CEP57L1: variants seen among roughly 807,000 people sequenced by gnomAD.
CEP57L1 encodes the protein centrosomal protein 57 like 1.
A neutral mutation model predicts 61.0 loss-of-function variants in CEP57L1; 37 were observed. The ratio of observed to expected loss-of-function variants is 0.61; its 90% CI spans 0.47 to 0.80. The LOEUF is 0.80. Ranked by LOEUF, CEP57L1 falls within the 30% of genes least tolerant of loss-of-function variation. The pLI, the probability that CEP57L1 is intolerant of heterozygous loss-of-function variation, is 0.00. For synonymous variants in CEP57L1, 137 were observed against 162.3 expected (o/e 0.84, Z 1.19); for missense variants, 422 against 524.7 (o/e 0.80, Z 1.91).
chr6:109,098,059 T>C (rs1781925709), intron 1 of CEP57L1, among the ~76,000 whole-genome samples: 1 of 152,126 alleles, frequency 6.6e-6, no homozygotes, highest in South Asian at 2.1e-4. Context: ...TTAATTGGGT[T>C]GGGAAAGCAT....
At chr6:109,118,480 A>C (rs1255526922) in intron 1 of CEP57L1, among the ~76,000 whole-genome samples, 1 of 152,252 alleles carries the variant, frequency 6.6e-6, no homozygotes, top group Non-Finnish European at 1.5e-5. Context: ...TTGAAAAAAA[A>C]GTAAGGGGCT....
intron 7 of CEP57L1, 190 bp from the exon 8 acceptor site, chr6:109,158,835 C>A (rs1416611447): frequency 3.1e-5 from 19 of 610,638 alleles, no homozygotes; most frequent in Non-Finnish European, 2.9e-6. Context: ...ACTCGCATTT[C>A]CATAATTAAT....
In CEP57L1 at chr6:109,162,931, A is replaced by G. The variant is rs1441409272; in HGVS notation, c.1344A>G (p.Gln448=). The change falls in exon 11 of 11, where the codon CAA becomes CAG. Residue 448 remains glutamine (Q), a synonymous_variant. Coordinates refer to ENST00000517392, the MANE Select transcript of CEP57L1 (RefSeq NM_001271852.3). The part of the protein sequence containing the change: ...SFHPIRVHNL[Q]MKLRRDDIMW... ...ATCCAATACGAGTTCATAATCTTCA[A>G]ATGAAATTGAGAAGAGATGATATCA... The G allele has an allele frequency of 1.2e-6, 2 of 1,612,708 alleles. No homozygotes were observed. The highest frequency in any genetic ancestry group is 2.7e-5 in the African/African-American group (2 of 74,864).
chr6:109,163,500 A>T lies in CEP57L1; in HGVS notation c.*530A>T, dbSNP rs1227034830. The T allele has an allele frequency of 2.0e-5, 3 of 152,374 alleles. No individual in the cohort carries two copies. The highest frequency in any genetic ancestry group is 4.4e-5 in the Non-Finnish European group (3 of 68,144). 9.4% of individuals were successfully genotyped at this position (152,374 alleles called of 1,614,324 possible). On this transcript the variant is annotated 3_prime_UTR_variant, in exon 11 of 11. Transcript: ENST00000517392. ...TGAAGAAGCCTTTAATCCAAGTTTT[A>T]TGAGACAGTAGGAACCTATAGCTAC...
At chr6:109,113,244 A>T (rs1001989090) in intron 1 of CEP57L1, among the ~76,000 whole-genome samples, 2 of 151,976 alleles carry the variant, frequency 1.3e-5, no homozygotes, top group Non-Finnish European at 2.9e-5. Context: ...AAGCCAATTT[A>T]TCTTCATAAT....
rs570490468 is a variant in CEP57L1 at position 109,162,773 on chromosome 6, C to G, written c.1186C>G (p.Gln396Glu). 10 of 1,612,198 alleles carry G rather than the reference C, an allele frequency of 6.2e-6. No individual in the cohort carries two copies. Among genetic ancestry groups the G allele is most frequent in the Admixed American group, 5.0e-5 (3 of 59,820 alleles). ...DSVCKLQQKVQNSKMSEASGI... is the reference protein window; with the variant it reads ...DSVCKLQQKVENSKMSEASGI... ...GGTCTGTAAACTGCAGCAAAAAGTTCAAAACTCAAAGATGAGTGAAGCTTC... is the reference window on the plus strand; with the variant it reads ...GGTCTGTAAACTGCAGCAAAAAGTTGAAAACTCAAAGATGAGTGAAGCTTC... The change falls in exon 11 of 11, where the codon CAA (glutamine) becomes GAA (glutamate). Residue 396 changes from glutamine to glutamate, a missense_variant. Physicochemically the swap from Gln to Glu is conservative, Grantham distance 29. Transcript: ENST00000517392.
In CEP57L1 at chr6:109,159,368, G is replaced by A; in HGVS notation, c.922G>A (p.Ala308Thr). ...TTCTAGAACAACTTCCTGGTGTAAA[G>A]CTATTCCTCCTGACTCAGAAAAGTC... ...KPSRTTSWCK[A>T]IPPDSEKSIS... is the part of the protein sequence containing the mutation. The change falls in exon 9 of 11, where the codon GCT becomes ACT. Residue 308 changes from alanine (A) to threonine (T), a missense_variant. Coordinates refer to ENST00000517392, the MANE Select transcript of CEP57L1 (RefSeq NM_001271852.3). 2.5e-6 allele frequency: 4 copies of A among 1,613,984 alleles called. No homozygotes were observed. The highest frequency in any genetic ancestry group is 3.4e-6 in the Non-Finnish European group (4 of 1,179,942).
intron 1 of CEP57L1, among the ~76,000 whole-genome samples, chr6:109,132,554 A>G (rs1774309930): frequency 6.6e-6 from 1 of 152,166 alleles, no homozygotes; most frequent in East Asian, 1.9e-4. Flanking sequence ...TGCTGCTACA[A>G]ATATTCTTAA....
chr6:109,129,789 G>A (rs1156503997), intron 1 of CEP57L1, among the ~76,000 whole-genome samples: 1 of 151,048 alleles, frequency 6.6e-6, no homozygotes, highest in Non-Finnish European at 1.5e-5. Flanking sequence ...CTTTCTCTTC[G>A]CAGGTTTATA....
chr6:109,162,076 C>T (rs919710210), intron 10 of CEP57L1, among the ~76,000 whole-genome samples: 2 of 152,012 alleles, frequency 1.3e-5, no homozygotes, highest in African/African-American at 2.4e-5. Context: ...TAAAGTTATT[C>T]CCTTGACTTT....
chr6:109,102,975 G>A (rs1396312205), intron 1 of CEP57L1, among the ~76,000 whole-genome samples: 1 of 152,088 alleles, frequency 6.6e-6, no homozygotes, highest in Non-Finnish European at 1.5e-5. Flanking sequence ...AAAATTGTTA[G>A]GAAGACTTTC....
chr6:109,126,746 T>G (rs1773593926), intron 1 of CEP57L1, among the ~76,000 whole-genome samples: 1 of 152,250 alleles, frequency 6.6e-6, no homozygotes, highest in South Asian at 2.1e-4. Context: ...GCACTTGAGT[T>G]TATTTGAAAA....
At chr6:109,106,677 C>T (rs1770972609) in intron 1 of CEP57L1, among the ~76,000 whole-genome samples, 1 of 152,008 alleles carries the variant, frequency 6.6e-6, no homozygotes, top group Non-Finnish European at 1.5e-5. Flanking sequence ...GCCTGTAATC[C>T]CAGCACTTTG....
At chr6:109,156,004 G>A in intron 7 of CEP57L1, 127 bp downstream of exon 7, 1 of 510,230 alleles carries the variant, frequency 2.0e-6, no homozygotes, top group Non-Finnish European at 3.5e-6. Context: ...ATGCAATAAT[G>A]CGTGTCAAGT....
rs1739316392 is a variant in CEP57L1 at position 109,170,342 on chromosome 6, G to A, written c.*7372G>A. Among the ~76,000 whole-genome samples the A allele has an allele frequency of 6.6e-6, 1 of 152,148 alleles. No individual in the cohort carries two copies. Among genetic ancestry groups the A allele is most frequent in the South Asian group, 2.1e-4 (1 of 4,824 alleles). ...ATAATGTACTTTTCAACCTGACTTG[G>A]CTTAATGTAGTTAAGTAAATTTTAG... On this transcript the variant is annotated 3_prime_UTR_variant, in exon 11 of 11. Coordinates refer to ENST00000517392, the MANE Select transcript of CEP57L1 (RefSeq NM_001271852.3).
intron 1 of CEP57L1, among the ~76,000 whole-genome samples, chr6:109,136,996 G>T (rs1345695387): frequency 6.6e-6 from 1 of 152,056 alleles, no homozygotes; most frequent in East Asian, 1.9e-4. Flanking sequence ...CAAGCAATCC[G>T]CCCACCTCCG....
chr6:109,096,936 C>T (rs111663283), intron 1 of CEP57L1, among the ~76,000 whole-genome samples: 4 of 152,294 alleles, frequency 2.6e-5, no homozygotes, highest in African/African-American at 7.2e-5. Flanking sequence ...AAATGAATAG[C>T]TCCATTCAGC....
intron 1 of CEP57L1, among the ~76,000 whole-genome samples, chr6:109,096,895 AC>A (rs1169507685): frequency 6.6e-6 from 1 of 152,176 alleles, no homozygotes; most frequent in Non-Finnish European, 1.5e-5. Flanking sequence ...TCTCATGTAT[AC>A]CCATGGCTTC....
At chr6:109,104,609 TC>T (rs1770700949) in intron 1 of CEP57L1, among the ~76,000 whole-genome samples, 1 of 152,160 alleles carries the variant, frequency 6.6e-6, no homozygotes, top group Non-Finnish European at 1.5e-5. Context: ...TGAGACAGAA[TC>T]CCACTCTGTT....
Sources: gnomAD v4.1 joint callset for allele counts (sites outside exome capture counted in the v4.1 genomes callset) on GRCh38, gnomAD v4.1.1 for gene constraint, MANE v1.5 for transcripts, NCBI Gene and HGNC (gene_info 2026-07-23, HGNC 2026-07-21) for gene names.